NOP9: variants seen among roughly 807,000 people sequenced by gnomAD.
NOP9 encodes NOP9 nucleolar protein.
A neutral mutation model predicts 63.0 loss-of-function variants in NOP9; 50 were observed. The ratio of observed to expected loss-of-function variants is 0.79; its 90% CI spans 0.63 to 1.00. NOP9 has a LOEUF of 1.00. Ranked by LOEUF, NOP9 falls within the 50% of genes least tolerant of loss-of-function variation. NOP9 has a pLI of 0.00. For synonymous variants in NOP9, 343 were observed against 332.8 expected (o/e 1.03, Z -0.33); for missense variants, 758 against 803.0 (o/e 0.94, Z 0.68).
rs2041486606 is a variant in NOP9 at position 24,305,851 on chromosome 14, G to C, written c.*756G>C. 2.8e-5 allele frequency: 45 copies of C among 1,586,042 alleles called. No homozygotes were observed. Among genetic ancestry groups the C allele is most frequent in the Non-Finnish European group, 3.6e-5 (42 of 1,163,380 alleles). Reference sequence around the variant, plus strand: ...GCTGGGAGATGAGGACTTTCCACAAGCAAGAGCTAACTAGGGGTAGGTGGG... The same window carrying C: ...GCTGGGAGATGAGGACTTTCCACAACCAAGAGCTAACTAGGGGTAGGTGGG... On this transcript the variant is annotated 3_prime_UTR_variant, in exon 10 of 10. Transcript: ENST00000267425.
At chr14:24,275,084 G>C in the NOP9 span, among the ~76,000 whole-genome samples, 85 of 151,336 alleles carry the variant, frequency 5.6e-4, no homozygotes, top group Non-Finnish European at 8.7e-4. Context: ...AGCTAATTTT[G>C]TATTTTTTGT....
At chr14:24,285,429 A>C in the NOP9 span, among the ~76,000 whole-genome samples, 1 of 152,190 alleles carries the variant, frequency 6.6e-6, no homozygotes, top group African/African-American at 2.4e-5. Flanking sequence ...AGTGTTAGAC[A>C]CAAGGGCCAG....
At chr14:24,272,149 C>T in the NOP9 span, among the ~76,000 whole-genome samples, 1 of 152,192 alleles carries the variant, frequency 6.6e-6, no homozygotes, top group South Asian at 2.1e-4. Flanking sequence ...TGTTTTGGCC[C>T]ACAAATCTGG....
chr14:24,273,259 A>G, the NOP9 span, among the ~76,000 whole-genome samples: 3 of 151,072 alleles, frequency 2.0e-5, no homozygotes, highest in African/African-American at 7.3e-5. Flanking sequence ...GCTTACTGCA[A>G]CCTCTGCCTC....
the NOP9 span, among the ~76,000 whole-genome samples, chr14:24,280,936 C>T: frequency 7.2e-5 from 11 of 152,262 alleles, no homozygotes; most frequent in Admixed American, 2.6e-4. Context: ...TAGGGCCAGG[C>T]CTCGCAGCAC....
the NOP9 span, among the ~76,000 whole-genome samples, chr14:24,284,581 G>A: frequency 9.9e-5 from 15 of 152,114 alleles, no homozygotes; most frequent in Admixed American, 8.5e-4. Context: ...GGAAGACCAG[G>A]GACTGGAGGT....
At position 24,305,775 on chromosome 14, in the gene NOP9, A is replaced by G. The variant is rs545918875; in HGVS notation, c.*680A>G. 6.2e-7 allele frequency: 1 copy of G among 1,612,508 alleles called. No homozygotes were observed. Among genetic ancestry groups the G allele is most frequent in the East Asian group, 2.2e-5 (1 of 44,872 alleles). On this transcript the variant is annotated 3_prime_UTR_variant, in exon 10 of 10. Coordinates refer to ENST00000267425, the MANE Select transcript of NOP9 (RefSeq NM_174913.3). The stretch of plus-strand genomic sequence containing the variant: ...CCAACGAAGGAGCTCCCTGAATGGC[A>G]GAGACAAGAGGAAATCAGATGATTT...
In NOP9 at chr14:24,300,153, C is replaced by T. The variant is rs2041343709; in HGVS notation, c.199C>T (p.Arg67Trp). ...LSPEALGYFR[R>W]ALSALKEAPE... ...CCCGGAAGCTCTGGGATATTTCCGCCGGGCGCTGTCAGCATTGAAAGAGGC... is the reference window on the plus strand; with the variant it reads ...CCCGGAAGCTCTGGGATATTTCCGCTGGGCGCTGTCAGCATTGAAAGAGGC... The change falls in exon 1 of 10, where the codon CGG becomes TGG. Residue 67 changes from arginine to tryptophan, a missense_variant. Coordinates refer to ENST00000267425, the MANE Select transcript of NOP9 (RefSeq NM_174913.3). 4 of 1,613,938 alleles carry T rather than the reference C, an allele frequency of 2.5e-6. No homozygotes were observed. In the South Asian group the frequency reaches 4.4e-5, roughly 18 times the overall value.
At chr14:24,304,360 T>G in intron 8 of NOP9, 83 bp downstream of exon 8, 1 of 1,344,152 alleles carries the variant, frequency 7.4e-7, no homozygotes, top group Non-Finnish European at 1.1e-6. Context: ...ACCTTCAGAC[T>G]CAAAAAGGCT....
the NOP9 span, among the ~76,000 whole-genome samples, chr14:24,286,483 C>T: frequency 6.6e-6 from 1 of 152,250 alleles, no homozygotes; most frequent in Non-Finnish European, 1.5e-5. Flanking sequence ...CCTCCTGCAG[C>T]TGACAGTGTT....
At chr14:24,302,935 C>A in intron 5 of NOP9, 139 bp from the exon 6 acceptor site, 3 of 1,055,776 alleles carry the variant, frequency 2.8e-6, no homozygotes, top group Non-Finnish European at 3.9e-6. Context: ...CCTTATCTAG[C>A]CAAACAAAAG....
Position 24,300,034 on chromosome 14 carries a change from G to C in NOP9, c.80G>C (p.Gly27Ala). ...GGCAAACGGGGGCGCGGGGCCAAGG[G>C]GTCGGGGCGCCCCTTACCAGGCCGT... Reference protein sequence around the residue: ...AGGKRGRGAKGSGRPLPGRKR... With the variant: ...AGGKRGRGAKASGRPLPGRKR... Residue 27 changes from glycine (G) to alanine (A), a missense_variant, in exon 1 of 10, where the codon GGG becomes GCG. Transcript: ENST00000267425. The C allele has an allele frequency of 6.2e-7, 1 of 1,608,136 alleles. No homozygotes were observed. The highest frequency in any genetic ancestry group is 1.1e-5 in the South Asian group (1 of 90,908).
intron 9 of NOP9, 49 bp downstream of exon 9, chr14:24,304,647 A>C: frequency 7.4e-7 from 1 of 1,351,588 alleles, no homozygotes; most frequent in Non-Finnish European, 1.0e-6. Context: ...CCCCTCTCTT[A>C]CTCCAGATCA....
Position 24,306,460 on chromosome 14 carries a change from C to G in NOP9, c.*1365C>G. On this transcript the variant is annotated 3_prime_UTR_variant, in exon 10 of 10. Coordinates refer to ENST00000267425, the MANE Select transcript of NOP9 (RefSeq NM_174913.3). The stretch of plus-strand genomic sequence containing the variant: ...AGCTGGAAGAAGTCCTCACTGTCCA[C>G]TGCAGTTCCATCCTCCTCTAGCACC... 1 of 1,614,274 alleles carries G rather than the reference C, an allele frequency of 6.2e-7. No homozygotes were observed. The highest frequency in any genetic ancestry group is 8.5e-7 in the Non-Finnish European group (1 of 1,180,048).
chr14:24,303,641 G>A, intron 6 of NOP9, 91 bp from the exon 7 acceptor site: 3 of 1,360,850 alleles, frequency 2.2e-6, no homozygotes, highest in Non-Finnish European at 3.1e-6. Context: ...GTGGAGTTGG[G>A]CCTTCTTTCC....
At chr14:24,284,930 T>G in the NOP9 span, among the ~76,000 whole-genome samples, 1 of 152,164 alleles carries the variant, frequency 6.6e-6, no homozygotes, top group Non-Finnish European at 1.5e-5. Context: ...GCCAGAGACC[T>G]GACCTCCCCT....
rs1282657219 is a variant in NOP9, at chr14:24,307,580, T to TGAGG, written c.*2487_*2490dup. 46 of 1,564,516 alleles carry TGAGG rather than the reference T, an allele frequency of 2.9e-5. No homozygotes were observed. Among genetic ancestry groups the TGAGG allele is most frequent in the Non-Finnish European group, 3.8e-5 (43 of 1,146,256 alleles). ...GGCTTGGTGAGTGTAAAGGGCATGA[T>TGAGG]GAGGGTAGAGTGGCTAGAGGGCTAG... On this transcript the variant is annotated 3_prime_UTR_variant, in exon 10 of 10. Coordinates refer to ENST00000267425, the MANE Select transcript of NOP9 (RefSeq NM_174913.3).
At chr14:24,289,318 G>A in the NOP9 span, among the ~76,000 whole-genome samples, 1 of 152,040 alleles carries the variant, frequency 6.6e-6, no homozygotes, top group Non-Finnish European at 1.5e-5. Flanking sequence ...GTAGAGATGG[G>A]GTCTCCCTAT....
rs2041536135 is a variant in NOP9, at chr14:24,307,157, A to G, written c.*2062A>G. 3 of 464,464 alleles carry G rather than the reference A, an allele frequency of 6.5e-6. No homozygotes were observed. Among genetic ancestry groups the G allele is most frequent in the Admixed American group, 3.8e-5 (1 of 26,352 alleles). 28.8% of individuals were successfully genotyped at this position (464,464 alleles called of 1,614,324 possible). A position where few individuals can be genotyped will look rare whatever the true frequency, so the allele number is the denominator to read the frequency against. On this transcript the variant is annotated 3_prime_UTR_variant, in exon 10 of 10. Coordinates refer to ENST00000267425, the MANE Select transcript of NOP9 (RefSeq NM_174913.3). Reference sequence around the variant, plus strand: ...GAATTCTGTCCCTCGAACTCTCCCTATCTCCTGCTAACCCCTGCTCCCATA... The same window carrying G: ...GAATTCTGTCCCTCGAACTCTCCCTGTCTCCTGCTAACCCCTGCTCCCATA...
Sources: gnomAD v4.1 joint callset for allele counts (sites outside exome capture counted in the v4.1 genomes callset) on GRCh38, gnomAD v4.1.1 for gene constraint, MANE v1.5 for transcripts, NCBI Gene and HGNC (gene_info 2026-07-23, HGNC 2026-07-21) for gene names.